SLC3A1: variants seen among roughly 807,000 people sequenced by gnomAD.
The protein encoded by SLC3A1 is solute carrier family 3 member 1, also known as amino acid transporter heavy chain SLC3A1.
SLC3A1 carries 78 observed loss-of-function variants against 60.3 expected under a neutral mutation model. The observed-to-expected ratio is 1.29, with a 90% CI of 1.08 to 1.56. SLC3A1 has a LOEUF of 1.56. Among genes scored for constraint, SLC3A1 ranks in the 40% most tolerant of loss-of-function variants. SLC3A1 has a pLI of 0.00. For missense variants in SLC3A1, 1,172 were observed against 858.9 expected (o/e 1.36, Z -4.56); for synonymous variants, 392 against 307.9 (o/e 1.27, Z -2.86).
chr2:44,297,194 T>C (rs1671873360), intron 4 of SLC3A1, among the ~76,000 whole-genome samples: 1 of 152,188 alleles, frequency 6.6e-6, no homozygotes, highest in African/African-American at 2.4e-5. Flanking sequence ...TACATTCCTG[T>C]GAAACCTTCC....
chr2:44,318,601 AAATG>A, intron 9 of SLC3A1: 1 of 10,912 alleles, frequency 9.2e-5, no homozygotes, highest in Admixed American at 5.8e-4. Context: ...TAAACATATG[AAATG>A]ATACATTCTG....
chr2:44,277,717 C>T (rs1671381425), intron 1 of SLC3A1, among the ~76,000 whole-genome samples: 1 of 152,164 alleles, frequency 6.6e-6, no homozygotes, highest in South Asian at 2.1e-4. Context: ...GATATGTTTA[C>T]CACTTCCTGG....
intron 9 of SLC3A1, 94 bp downstream of exon 9, chr2:44,314,045 A>G (rs1205955010): frequency 4.4e-6 from 7 of 1,585,658 alleles, no homozygotes; most frequent in Non-Finnish European, 6.0e-6. Context: ...TCTAAACCTT[A>G]ACGGATACTC....
rs546857535 is a variant in SLC3A1, at chr2:44,277,366, C to T, written c.430+1401C>T. Among the ~76,000 whole-genome samples, 4 of 152,180 alleles carry T rather than the reference C, an allele frequency of 2.6e-5. No homozygotes were observed. The South Asian group carries it at 8.3e-4, about 32-fold the overall frequency. Reference sequence around the variant, plus strand: ...AGGTGATTTGCCCCCCCTTGGCCTCCCAAAACTCTGGGATTACAGGCATGA... The same window carrying T: ...AGGTGATTTGCCCCCCCTTGGCCTCTCAAAACTCTGGGATTACAGGCATGA... On this transcript the variant is annotated intron_variant, in intron 1 of 9. Coordinates refer to ENST00000260649, the MANE Select transcript of SLC3A1 (RefSeq NM_000341.4).
Position 44,286,040 on chromosome 2 carries a change from G to A in SLC3A1, c.774G>A (p.Val258=), listed in dbSNP as rs371572068. 3 of 1,614,026 alleles carry A rather than the reference G, an allele frequency of 1.9e-6. No homozygotes were observed. The African/African-American group carries it at 4.0e-5, about 22-fold the overall frequency. The change falls in exon 4 of 10, where the codon GTG becomes GTA. Residue 258 remains valine (V), a synonymous_variant. Coordinates refer to ENST00000260649, the MANE Select transcript of SLC3A1 (RefSeq NM_000341.4). ...KTIPPNNWLS[V]YGNSSWHFDE... ...TTTTCTTTGTTTGCCAGTTAAGTGT[G>A]TATGGAAACTCCAGTTGGCACTTTG...
chr2:44,309,029 G>T (rs1000692638), intron 7 of SLC3A1, among the ~76,000 whole-genome samples: 2 of 152,080 alleles, frequency 1.3e-5, no homozygotes, highest in Admixed American at 6.6e-5. Flanking sequence ...ACTGTGCCTG[G>T]CCTTCTGAGG....
intron 3 of SLC3A1, among the ~76,000 whole-genome samples, chr2:44,283,203 A>G (rs1671539415): frequency 6.6e-6 from 1 of 152,150 alleles, no homozygotes; most frequent in African/African-American, 2.4e-5. Flanking sequence ...GACACTCAGA[A>G]TTGATATATT....
chr2:44,304,054 A>C, intron 6 of SLC3A1, 89 bp from the exon 7 acceptor site: 1 of 980,364 alleles, frequency 1.0e-6, no homozygotes. Context: ...CAGCCCCTAC[A>C]TCTTGTACAT....
intron 3 of SLC3A1, among the ~76,000 whole-genome samples, chr2:44,283,830 A>G (rs1390932649): frequency 6.6e-6 from 1 of 151,640 alleles, no homozygotes; most frequent in Non-Finnish European, 1.5e-5. Flanking sequence ...AGTTTCCTCT[A>G]TTTTGAACTT....
chr2:44,314,128 A>T, intron 9 of SLC3A1, 177 bp downstream of exon 9: 23 of 1,420,520 alleles, frequency 1.6e-5, no homozygotes, highest in Non-Finnish European at 2.1e-5. Flanking sequence ...TTGTGAAAAT[A>T]CAAACTGGTA....
intron 1 of SLC3A1, among the ~76,000 whole-genome samples, chr2:44,279,955 A>C (rs1453531982): frequency 6.6e-6 from 1 of 152,070 alleles, no homozygotes; most frequent in Non-Finnish European, 1.5e-5. Flanking sequence ...AGCACATCTC[A>C]ATTCCAACCA....
rs937260687 is a variant in SLC3A1 at position 44,317,502 on chromosome 2, T to A, written c.1618-2697T>A. On this transcript the variant is annotated intron_variant, in intron 9 of 9. Coordinates refer to ENST00000260649, the MANE Select transcript of SLC3A1 (RefSeq NM_000341.4). ...TCAGTTCCCATGTCATAGCAACACT[T>A]CAAGTGCTCATTAGCTGCCATATTG... The A allele has an allele frequency of 1.3e-5, 2 of 151,888 alleles. No individual in the cohort carries two copies. The highest frequency in any genetic ancestry group is 4.8e-5 in the African/African-American group (2 of 41,308). 9.4% of individuals were successfully genotyped at this position (151,888 alleles called of 1,614,324 possible). A position where few individuals can be genotyped will look rare whatever the true frequency, so the allele number is the denominator to read the frequency against.
At chr2:44,309,543 G>T (rs1227692755) in intron 7 of SLC3A1, among the ~76,000 whole-genome samples, 3 of 152,064 alleles carry the variant, frequency 2.0e-5, no homozygotes, top group Non-Finnish European at 4.4e-5. Context: ...TTAAGCCCCA[G>T]ATTTCAATTC....
At chr2:44,285,578 A>G (rs530359160) in intron 3 of SLC3A1, 47 of 434,888 alleles carry the variant, frequency 1.1e-4, no homozygotes, top group African/African-American at 9.5e-4. Context: ...TAAGTGAAGG[A>G]TTCTAATAAT....
At chr2:44,316,067 A>G (rs766503530) in intron 9 of SLC3A1, among the ~76,000 whole-genome samples, 10 of 152,172 alleles carry the variant, frequency 6.6e-5, no homozygotes, top group Non-Finnish European at 1.0e-4. Flanking sequence ...TGTCCCAAAG[A>G]CAAGTCAGAC....
intron 1 of SLC3A1, among the ~76,000 whole-genome samples, chr2:44,280,470 C>G (rs1374174613): frequency 6.6e-6 from 1 of 152,082 alleles, no homozygotes; most frequent in African/African-American, 2.4e-5. Context: ...AGCTCTTGAC[C>G]TTAGGTATCC....
intron 9 of SLC3A1, among the ~76,000 whole-genome samples, chr2:44,317,397 G>C (rs1005429277): frequency 2.0e-5 from 3 of 151,642 alleles, no homozygotes; most frequent in African/African-American, 7.3e-5. Flanking sequence ...AGGATGTTGA[G>C]GCTGCAGTGA....
chr2:44,295,983 A>G (rs900025469), intron 4 of SLC3A1, among the ~76,000 whole-genome samples: 8 of 152,186 alleles, frequency 5.3e-5, no homozygotes, highest in Non-Finnish European at 1.0e-4. Context: ...AAGTACAGAA[A>G]AGTTGGTATT....
In SLC3A1 at chr2:44,321,434, T is replaced by G. The variant is rs574404474; in HGVS notation, c.*795T>G. On this transcript the variant is annotated 3_prime_UTR_variant, in exon 10 of 10. Transcript: ENST00000260649. ...CAAGTTCCTCGTACAGGAATTTAATTTGGGCTGTAATCTAAAAGAAACACA... is the reference window on the plus strand; with the variant it reads ...CAAGTTCCTCGTACAGGAATTTAATGTGGGCTGTAATCTAAAAGAAACACA... The G allele has an allele frequency of 7.1e-5, 114 of 1,612,618 alleles. No individual in the cohort carries two copies. In the South Asian group the frequency reaches 1.0e-3, roughly 15 times the overall value.
Sources: gnomAD v4.1 joint callset for allele counts (sites outside exome capture counted in the v4.1 genomes callset) on GRCh38, gnomAD v4.1.1 for gene constraint, MANE v1.5 for transcripts, NCBI Gene and HGNC (gene_info 2026-07-23, HGNC 2026-07-21) for gene names.